Variants in SIPA1L1 observed in about 807,000 individuals in gnomAD.
SIPA1L1 encodes the protein signal-induced proliferation-associated 1-like protein 1.
Under a neutral mutation model 162.7 loss-of-function variants are expected in SIPA1L1, and 26 were observed. The observed-to-expected ratio is 0.16, with a 90% confidence interval of 0.12 to 0.22. SIPA1L1 has a LOEUF of 0.22. Ranked by LOEUF, SIPA1L1 falls within the 10% of genes least tolerant of loss-of-function variation. The pLI is 1.00. For synonymous variants in SIPA1L1, 829 were observed against 837.4 expected (o/e 0.99, Z 0.17); for missense variants, 1,874 against 2,241.0 (o/e 0.84, Z 3.31).
intron 7 of SIPA1L1, among the ~76,000 whole-genome samples, chr14:71,625,932 T>C (rs2039935065): frequency 6.6e-6 from 1 of 152,242 alleles, no homozygotes; most frequent in Non-Finnish European, 1.5e-5. Context: ...TGACACATTT[T>C]ATGTCCTCTG....
intron 2 of SIPA1L1, among the ~76,000 whole-genome samples, chr14:71,477,360 GA>G (rs1208075479): frequency 6.6e-6 from 1 of 151,740 alleles, no homozygotes; most frequent in Non-Finnish European, 1.5e-5. Flanking sequence ...CTCTCTGTAA[GA>G]AAAAAACAAA....
At chr14:71,518,667 G>A (rs1401972719) in intron 3 of SIPA1L1, among the ~76,000 whole-genome samples, 6 of 152,078 alleles carry the variant, frequency 3.9e-5, no homozygotes, top group Admixed American at 2.6e-4. Flanking sequence ...CCTGCTGGAT[G>A]TAGTGGTTCA....
intron 2 of SIPA1L1, among the ~76,000 whole-genome samples, chr14:71,397,357 G>T: frequency 6.6e-6 from 1 of 151,918 alleles, no homozygotes; most frequent in Non-Finnish European, 1.5e-5. Flanking sequence ...TCAGATCCCA[G>T]TCATGTCTCA....
chr14:71,504,090 C>G (rs1272906250), intron 2 of SIPA1L1: 2 of 151,958 alleles, frequency 1.3e-5, no homozygotes, highest in Admixed American at 1.3e-4. Flanking sequence ...CAGGTATGAG[C>G]CATCGCGCCC....
chr14:71,344,241 C>T (rs2035936402), intron 2 of SIPA1L1, among the ~76,000 whole-genome samples: 2 of 152,316 alleles, frequency 1.3e-5, no homozygotes, highest in South Asian at 4.1e-4. Flanking sequence ...CACATGCAGG[C>T]TTTGGAACCA....
rs2045434160 is a variant in SIPA1L1 at position 71,446,919 on chromosome 14, T to TG, written c.-464-65824_-464-65823insG. 4.6e-5 allele frequency among the ~76,000 whole-genome samples: 5 copies of TG among 108,142 alleles called. 1 individual carries two copies. The highest frequency in any genetic ancestry group is 9.6e-5 in the Non-Finnish European group (5 of 52,248). 70.9% of individuals were successfully genotyped at this position (108,142 alleles called of 152,430 possible). ...GTTTTTTTTTTTGTTTTTTTTTTTT[T>TG]TTTTTTTTTTGAGACAGGCCCTTGC... On this transcript the variant is annotated intron_variant, in intron 2 of 23. Coordinates refer to ENST00000381232, the MANE Select transcript of SIPA1L1 (RefSeq NM_001386936.1).
intron 2 of SIPA1L1, among the ~76,000 whole-genome samples, chr14:71,326,524 A>G (rs779569398): frequency 4.6e-5 from 7 of 151,908 alleles, no homozygotes; most frequent in Non-Finnish European, 7.4e-5. Context: ...GCTTCTTTTT[A>G]TAATGAGTTC....
chr14:71,528,559 A>G (rs1194019346), intron 3 of SIPA1L1: 2 of 152,194 alleles, frequency 1.3e-5, no homozygotes, highest in Non-Finnish European at 2.9e-5. Context: ...GAGGCTGGGC[A>G]GGAGAATTGC....
chr14:71,511,424 A>G (rs531756800), intron 2 of SIPA1L1, among the ~76,000 whole-genome samples: 20 of 151,216 alleles, frequency 1.3e-4, no homozygotes, highest in African/African-American at 4.9e-4. Flanking sequence ...AGCTGAGACT[A>G]CAGGCGTGGG....
chr14:71,567,584 A>G (rs2030957404), intron 4 of SIPA1L1, among the ~76,000 whole-genome samples: 1 of 151,692 alleles, frequency 6.6e-6, no homozygotes, highest in African/African-American at 2.4e-5. Flanking sequence ...TTGATTATAT[A>G]CTAAACAAGG....
chr14:71,717,430 T>C (rs2083358975), intron 17 of SIPA1L1, among the ~76,000 whole-genome samples: 1 of 152,232 alleles, frequency 6.6e-6, no homozygotes. Context: ...TTCTTATACA[T>C]TGAGAAAAGT....
chr14:71,737,830 C>T (rs902920577), intron 22 of SIPA1L1, among the ~76,000 whole-genome samples: 6 of 152,118 alleles, frequency 3.9e-5, no homozygotes, highest in African/African-American at 1.4e-4. Context: ...CCCCAGCTTC[C>T]TTCCCACACA....
chr14:71,570,150 A>T (rs993960376), intron 4 of SIPA1L1, among the ~76,000 whole-genome samples: 2 of 152,096 alleles, frequency 1.3e-5, no homozygotes, highest in African/African-American at 4.8e-5. Context: ...AACCAACTAG[A>T]TCTCTACTTA....
rs769829615 is a variant in SIPA1L1, at chr14:71,672,664, A to G, written c.3104+42A>G. 2.5e-6 allele frequency: 4 copies of G among 1,597,098 alleles called. No homozygotes were observed. In the South Asian group the frequency reaches 4.5e-5, roughly 18 times the overall value. ...AGCTGTGGGCCTGAGACTCGAGTGC[A>G]GGGTTTGTGTACCATGTAGAACATC... On this transcript the variant is annotated intron_variant, in intron 12 of 23. Coordinates refer to ENST00000381232, the MANE Select transcript of SIPA1L1 (RefSeq NM_001386936.1).
intron 5 of SIPA1L1, among the ~76,000 whole-genome samples, chr14:71,600,342 G>A (rs1337417307): frequency 1.3e-5 from 2 of 152,070 alleles, no homozygotes; most frequent in Non-Finnish European, 2.9e-5. Context: ...TTATTGAAGA[G>A]GGGAAGAGGG....
chr14:71,453,362 C>T (rs981239548), intron 2 of SIPA1L1, among the ~76,000 whole-genome samples: 3 of 152,112 alleles, frequency 2.0e-5, no homozygotes, highest in East Asian at 1.9e-4. Flanking sequence ...CTCCCGGGCT[C>T]GAGCAGTCCT....
At position 71,623,520 on chromosome 14, in the gene SIPA1L1, T is replaced by C. The variant is rs527817392; in HGVS notation, c.1630-528T>C. 2.9e-4 allele frequency among the ~76,000 whole-genome samples: 44 copies of C among 152,254 alleles called. 1 individual carries two copies. Among genetic ancestry groups the C allele is most frequent in the Non-Finnish European group, 5.3e-4 (36 of 68,044 alleles). On this transcript the variant is annotated intron_variant, in intron 6 of 23. Transcript: ENST00000381232. ...TTTCAGCTGCTATTGCCTGTGCTGC[T>C]GTACTGATGGTGATAATTGTCCGGT... is the stretch of plus-strand genomic sequence containing the variant.
intron 5 of SIPA1L1, among the ~76,000 whole-genome samples, chr14:71,611,259 T>C (rs1026583885): frequency 6.6e-6 from 1 of 152,196 alleles, no homozygotes; most frequent in Non-Finnish European, 1.5e-5. Flanking sequence ...ATTTTTAACA[T>C]TGAATTCTCC....
At chr14:71,479,550 G>A (rs897327648) in intron 2 of SIPA1L1, among the ~76,000 whole-genome samples, 2 of 150,096 alleles carry the variant, frequency 1.3e-5, no homozygotes, top group African/African-American at 2.5e-5. Context: ...CATGTGCCAC[G>A]ATGCGGGGCC....
Sources: allele counts gnomAD v4.1 joint callset (sites outside exome capture counted in the v4.1 genomes callset), GRCh38; gene constraint gnomAD v4.1.1; transcripts MANE v1.5; gene names NCBI Gene and HGNC (gene_info 2026-07-23, HGNC 2026-07-21).